EYS: variants seen among roughly 807,000 people sequenced by gnomAD.
EYS encodes EGF-like photoreceptor maintenance factor.
A neutral mutation model predicts 282.1 loss-of-function variants in EYS; 250 were observed. The observed-to-expected ratio is 0.89, with a 90% CI of 0.80 to 0.98. The LOEUF (loss-of-function observed/expected upper bound fraction) is 0.98. Among genes scored for constraint, EYS ranks in the 50% least tolerant of loss-of-function variants. The pLI is 0.00. For missense variants in EYS, 4,016 were observed against 3,709.0 expected (o/e 1.08, Z -2.15); for synonymous variants, 1,355 against 1,282.9 (o/e 1.06, Z -1.20).
chr6:64,982,264 A>T (rs1770700780), intron 14 of EYS, among the ~76,000 whole-genome samples: 1 of 151,404 alleles, frequency 6.6e-6, no homozygotes, highest in African/African-American at 2.4e-5. Context: ...GTTTTGAATT[A>T]CTGTAGTAGA....
At chr6:65,040,792 A>G (rs1772910731) in intron 13 of EYS, among the ~76,000 whole-genome samples, 1 of 151,694 alleles carries the variant, frequency 6.6e-6, no homozygotes, top group African/African-American at 2.4e-5. Flanking sequence ...CATACAGAAA[A>G]CTACATGGAC....
intron 22 of EYS, among the ~76,000 whole-genome samples, chr6:64,636,231 C>A (rs1030835686): frequency 6.6e-6 from 1 of 152,058 alleles, no homozygotes; most frequent in African/African-American, 2.4e-5. Flanking sequence ...GGTACTAGTA[C>A]CAAAACAGAG....
intron 41 of EYS, among the ~76,000 whole-genome samples, 168 bp downstream of exon 41, chr6:63,762,293 G>A (rs1769662233): frequency 6.6e-6 from 1 of 152,010 alleles, no homozygotes; most frequent in African/African-American, 2.4e-5. Flanking sequence ...TGAATTTTAA[G>A]TACTAGTCTA....
chr6:64,621,520 C>T (rs749474739), intron 23 of EYS, among the ~76,000 whole-genome samples: 2 of 152,032 alleles, frequency 1.3e-5, no homozygotes, highest in Non-Finnish European at 2.9e-5. Context: ...ATAGTATACA[C>T]TCTTTTATCT....
At chr6:65,688,243 T>G (rs759336896) in intron 1 of EYS, among the ~76,000 whole-genome samples, 4 of 151,906 alleles carry the variant, frequency 2.6e-5, no homozygotes, top group Non-Finnish European at 5.9e-5. Flanking sequence ...AGATATAGAC[T>G]AATGGAACAG....
chr6:64,646,808 G>GAA (rs1194625739), intron 22 of EYS, among the ~76,000 whole-genome samples: 2 of 105,968 alleles, frequency 1.9e-5, no homozygotes, highest in Admixed American at 9.7e-5. Flanking sequence ...CCAGCTAAAA[G>GAA]AAAAAAAAAA....
intron 5 of EYS, among the ~76,000 whole-genome samples, chr6:65,484,623 C>G (rs964172231): frequency 3.9e-5 from 6 of 152,140 alleles, no homozygotes; most frequent in African/African-American, 1.4e-4. Flanking sequence ...ACTAATAATG[C>G]TACTCTTCCA....
At chr6:65,238,669 A>T (rs957566559) in intron 12 of EYS, among the ~76,000 whole-genome samples, 3 of 152,070 alleles carry the variant, frequency 2.0e-5, no homozygotes, top group Admixed American at 6.6e-5. Context: ...ATCATAATTT[A>T]TGGTTACATT....
At chr6:65,154,635 G>C (rs1257854353) in intron 12 of EYS, among the ~76,000 whole-genome samples, 1 of 151,558 alleles carries the variant, frequency 6.6e-6, no homozygotes, top group Non-Finnish European at 1.5e-5. Context: ...GAGAAGAGCA[G>C]GAGAACTTTT....
chr6:65,609,207 G>A (rs1007137571), intron 2 of EYS, among the ~76,000 whole-genome samples: 4 of 151,514 alleles, frequency 2.6e-5, no homozygotes, highest in Admixed American at 1.3e-4. Flanking sequence ...ACATTACCAT[G>A]ACTACCACCA....
At chr6:64,409,778 A>G (rs1773826668) in intron 28 of EYS, among the ~76,000 whole-genome samples, 1 of 152,184 alleles carries the variant, frequency 6.6e-6, no homozygotes, top group African/African-American at 2.4e-5. Context: ...TAATTTGTTG[A>G]TATATCAATT....
intron 12 of EYS, among the ~76,000 whole-genome samples, chr6:65,145,725 T>C (rs1764460495): frequency 6.6e-6 from 1 of 152,028 alleles, no homozygotes; most frequent in African/African-American, 2.4e-5. Context: ...TCCTAAGATA[T>C]TCATCATTGC....
intron 22 of EYS, among the ~76,000 whole-genome samples, chr6:64,739,378 C>G (rs961324678): frequency 6.6e-6 from 1 of 152,084 alleles, no homozygotes; most frequent in African/African-American, 2.4e-5. Context: ...TGTATACCAA[C>G]CAAGGAAGAT....
chr6:63,983,694 C>T lies in EYS; in HGVS notation c.7055+689G>A, dbSNP rs558803324. On this transcript the variant is annotated intron_variant, in intron 35 of 42. Transcript: ENST00000503581. Reference sequence around the variant, plus strand: ...TTATTGTAAGTTGTATCTGTTTCAGCTTCCATTCTGTCATTATTTGTAGCT... The same window carrying T: ...TTATTGTAAGTTGTATCTGTTTCAGTTTCCATTCTGTCATTATTTGTAGCT... 2.6e-5 allele frequency among the ~76,000 whole-genome samples: 4 copies of T among 151,854 alleles called. No homozygotes were observed. The South Asian group carries it at 8.3e-4, about 31-fold the overall frequency.
At chr6:64,847,826 C>T (rs958079259) in intron 19 of EYS, among the ~76,000 whole-genome samples, 1 of 152,032 alleles carries the variant, frequency 6.6e-6, no homozygotes, top group Non-Finnish European at 1.5e-5. Context: ...TTCTTGTTTA[C>T]CTTCTTACCC....
chr6:65,022,151 C>T (rs989365279), intron 13 of EYS, among the ~76,000 whole-genome samples: 9 of 152,142 alleles, frequency 5.9e-5, no homozygotes, highest in African/African-American at 2.2e-4. Context: ...CATTAGCATC[C>T]AGATTTTCTG....
At chr6:65,687,476 T>C (rs1156758307) in intron 1 of EYS, among the ~76,000 whole-genome samples, 1 of 152,044 alleles carries the variant, frequency 6.6e-6, no homozygotes, top group African/African-American at 2.4e-5. Context: ...TTTCCAGCAG[T>C]AAACCAACCT....
chr6:64,524,155 A>G (rs1165187733), intron 26 of EYS, among the ~76,000 whole-genome samples: 2 of 151,720 alleles, frequency 1.3e-5, no homozygotes, highest in Admixed American at 6.6e-5. Context: ...TAGATAAGAA[A>G]TACATGCTTT....
At chr6:64,569,975 C>A (rs1274423943) in intron 26 of EYS, among the ~76,000 whole-genome samples, 1 of 151,964 alleles carries the variant, frequency 6.6e-6, no homozygotes, top group Non-Finnish European at 1.5e-5. Context: ...AGAGTAACCC[C>A]AAGTAGAATA....
Sources: allele counts gnomAD v4.1 joint callset (sites outside exome capture counted in the v4.1 genomes callset), GRCh38; gene constraint gnomAD v4.1.1; transcripts MANE v1.5; gene names NCBI Gene and HGNC (gene_info 2026-07-23, HGNC 2026-07-21).